COP1: variants seen among roughly 807,000 people sequenced by gnomAD.
The protein encoded by COP1 is E3 ubiquitin-protein ligase COP1.
A neutral mutation model predicts 101.3 loss-of-function variants in COP1; 24 were observed. The observed-to-expected ratio is 0.24, with a 90% confidence interval of 0.17 to 0.33. The LOEUF is 0.33. COP1 is among the 10% of genes least tolerant of loss of function. The pLI is 1.00. For missense variants in COP1, 663 were observed against 906.2 expected, an observed-to-expected ratio of 0.73 and a Z score of 3.45; for synonymous variants, 347 against 341.9, an observed-to-expected ratio of 1.01 and a Z score of -0.17.
intron 10 of COP1, among the ~76,000 whole-genome samples, chr1:176,084,643 A>G (rs1377279032): frequency 6.6e-6 from 1 of 152,194 alleles, no homozygotes; most frequent in African/African-American, 2.4e-5. Context: ...TTTGTTGTTA[A>G]TTTCAAACAA....
chr1:176,005,282 G>A (rs1461189221), intron 15 of COP1, among the ~76,000 whole-genome samples: 3 of 151,940 alleles, frequency 2.0e-5, no homozygotes. Flanking sequence ...TATCAATTTT[G>A]TTGATCCTTT....
At chr1:176,108,163 T>G (rs1684654546) in intron 9 of COP1, among the ~76,000 whole-genome samples, 1 of 152,158 alleles carries the variant, frequency 6.6e-6, no homozygotes, top group Non-Finnish European at 1.5e-5. Context: ...TGTACTATGG[T>G]TATATAAAAA....
chr1:175,974,773 C>G (rs981591969), intron 18 of COP1, among the ~76,000 whole-genome samples: 2 of 151,316 alleles, frequency 1.3e-5, no homozygotes, highest in African/African-American at 4.9e-5. Context: ...TGGCTCAGGC[C>G]TGTAATCTCA....
rs371273801 is a variant in COP1 at position 176,082,729 on chromosome 1, C to T, written c.1142-1442G>A. On this transcript the variant is annotated intron_variant, in intron 10 of 19. Transcript: ENST00000367669. ...GCTAGGCAGGAGAATAGCTTGAACCCGGGAGGTGGAGGTTGCAGTGAGCCA... is the reference window on the plus strand; with the variant it reads ...GCTAGGCAGGAGAATAGCTTGAACCTGGGAGGTGGAGGTTGCAGTGAGCCA... 2.6e-3 allele frequency among the ~76,000 whole-genome samples: 398 copies of T among 151,374 alleles called. 3 individuals carry two copies. The highest frequency in any genetic ancestry group is 9.2e-3 in the African/African-American group (379 of 41,226).
chr1:176,025,547 A>G (rs1667521489), intron 15 of COP1, among the ~76,000 whole-genome samples: 1 of 151,948 alleles, frequency 6.6e-6, no homozygotes, highest in Admixed American at 6.6e-5. Context: ...AAAAAAATTG[A>G]CCAGAAAAGT....
chr1:176,189,942 T>TA (rs1252244528), intron 1 of COP1, among the ~76,000 whole-genome samples: 2 of 151,590 alleles, frequency 1.3e-5, no homozygotes, highest in South Asian at 2.1e-4. Flanking sequence ...AAAGGGAGGT[T>TA]AAAAAAATCA....
intron 16 of COP1, 186 bp from the exon 17 acceptor site, chr1:175,988,598 C>T (rs1040516056): frequency 6.4e-6 from 3 of 470,510 alleles, no homozygotes; most frequent in South Asian, 5.4e-5. Context: ...TTTGGTAGGC[C>T]GAGGCAGGTG....
intron 11 of COP1, among the ~76,000 whole-genome samples, chr1:176,058,159 G>A (rs1409936127): frequency 8.9e-4 from 85 of 95,644 alleles, no homozygotes; most frequent in Non-Finnish European, 1.4e-3. Flanking sequence ...GCCCCCGCCC[G>A]GCCAGCCGCC....
At chr1:176,066,575 T>C (rs12403164) in intron 11 of COP1, among the ~76,000 whole-genome samples, 8,758 of 152,236 alleles carry the variant, frequency 0.058, 377 homozygotes, top group Middle Eastern at 0.12. Flanking sequence ...GTTTGTGTTA[T>C]TTACTGGCAG....
chr1:176,124,401 C>T (rs1347060857), intron 8 of COP1, among the ~76,000 whole-genome samples: 1 of 149,718 alleles, frequency 6.7e-6, no homozygotes, highest in African/African-American at 2.5e-5. Flanking sequence ...AACGTTCCCA[C>T]CTCCCCTGCC....
At chr1:176,064,402 G>GTAAATTCTGGAACCAACTTT (rs1283033189) in intron 11 of COP1, among the ~76,000 whole-genome samples, 3 of 152,104 alleles carry the variant, frequency 2.0e-5, no homozygotes, top group Non-Finnish European at 4.4e-5. Context: ...TATTAGTTCA[G>GTAAATTCTGGAACCAACTTT]TAAATTCTGG....
At chr1:175,966,207 A>G (rs547299511) in intron 18 of COP1, among the ~76,000 whole-genome samples, 95 of 152,202 alleles carry the variant, frequency 6.2e-4, no homozygotes, top group African/African-American at 2.3e-3. Flanking sequence ...CTAAAATGTT[A>G]GTTAGCCTTC....
At chr1:176,093,155 A>T (rs1681644186) in intron 9 of COP1, among the ~76,000 whole-genome samples, 1 of 152,186 alleles carries the variant, frequency 6.6e-6, no homozygotes, top group Non-Finnish European at 1.5e-5. Context: ...TTAAAAGTCA[A>T]CATATTGATA....
At chr1:176,198,515 C>T (rs1558303539) in intron 1 of COP1, among the ~76,000 whole-genome samples, 1 of 152,018 alleles carries the variant, frequency 6.6e-6, no homozygotes, top group African/African-American at 2.4e-5. Context: ...AGAAAATATA[C>T]AAGAGAATGT....
intron 16 of COP1, 111 bp downstream of exon 16, chr1:175,989,251 G>A: frequency 1.8e-6 from 1 of 554,804 alleles, no homozygotes; most frequent in East Asian, 2.7e-5. Flanking sequence ...TTAAGAAAAA[G>A]TACATATACT....
chr1:175,985,456 T>C (rs564378877), intron 18 of COP1, among the ~76,000 whole-genome samples: 2 of 152,240 alleles, frequency 1.3e-5, no homozygotes, highest in African/African-American at 4.8e-5. Flanking sequence ...GAGATTGATA[T>C]GAAGTTCAGA....
intron 11 of COP1, among the ~76,000 whole-genome samples, chr1:176,058,772 A>T (rs1326923723): frequency 6.6e-6 from 1 of 150,928 alleles, no homozygotes; most frequent in Non-Finnish European, 1.5e-5. Flanking sequence ...AAAAAAAAAA[A>T]GAATGTGACC....
intron 15 of COP1, among the ~76,000 whole-genome samples, chr1:175,999,625 C>T (rs554977936): frequency 1.3e-5 from 2 of 151,912 alleles, no homozygotes; most frequent in Non-Finnish European, 2.9e-5. Flanking sequence ...GGGTATATAC[C>T]CAGCAGTGGG....
chr1:176,088,862 G>A (rs549325318), intron 9 of COP1, among the ~76,000 whole-genome samples: 3 of 151,964 alleles, frequency 2.0e-5, no homozygotes, highest in African/African-American at 7.2e-5. Flanking sequence ...AGGCATCGTG[G>A]TGCATGCCTG....
Sources: allele counts gnomAD v4.1 joint callset (sites outside exome capture counted in the v4.1 genomes callset), GRCh38; gene constraint gnomAD v4.1.1; transcripts MANE v1.5; gene names NCBI Gene and HGNC (gene_info 2026-07-23, HGNC 2026-07-21).